The following ASTN1 variants were observed in gnomAD, a reference collection of about 807,000 sequenced individuals.
ASTN1 encodes astrotactin 1.
Under a neutral mutation model 140.7 loss-of-function variants are expected in ASTN1, and 41 were observed. The observed-to-expected ratio is 0.29, with a 90% CI of 0.23 to 0.38. ASTN1 has a LOEUF of 0.38. Among genes scored for constraint, ASTN1 ranks in the 10% least tolerant of loss-of-function variants. ASTN1 has a pLI of 1.00. For missense variants in ASTN1, 1,479 were observed against 1,678.8 expected, an observed-to-expected ratio of 0.88 and a Z score of 2.08; for synonymous variants, 640 against 652.2, an observed-to-expected ratio of 0.98 and a Z score of 0.29.
chr1:177,030,480 A>G (rs1676371577), intron 4 of ASTN1, among the ~76,000 whole-genome samples: 1 of 152,182 alleles, frequency 6.6e-6, no homozygotes, highest in Non-Finnish European at 1.5e-5. Context: ...TAGGTAGTTA[A>G]CCAATTCCCT....
intron 16 of ASTN1, among the ~76,000 whole-genome samples, chr1:176,902,069 A>G (rs920791784): frequency 6.6e-6 from 1 of 152,200 alleles, no homozygotes; most frequent in Non-Finnish European, 1.5e-5. Context: ...TAGGTACTGT[A>G]AGGTCCACTG....
intron 2 of ASTN1, among the ~76,000 whole-genome samples, chr1:177,042,208 T>C (rs1206804114): frequency 2.0e-5 from 3 of 152,044 alleles, no homozygotes; most frequent in South Asian, 4.2e-4. Context: ...TCACATGGAG[T>C]GTGGCCTTGA....
At chr1:177,088,074 C>T (rs781742380) in intron 1 of ASTN1, among the ~76,000 whole-genome samples, 6 of 152,234 alleles carry the variant, frequency 3.9e-5, no homozygotes, top group East Asian at 1.9e-4. Context: ...CCTTCAACTC[C>T]GGTGATAGTG....
At chr1:177,133,129 TCTAA>T (rs1219380331) in intron 1 of ASTN1, among the ~76,000 whole-genome samples, 3 of 152,230 alleles carry the variant, frequency 2.0e-5, no homozygotes, top group Non-Finnish European at 4.4e-5. Context: ...ACCTTAGTTA[TCTAA>T]CTAAGATATC....
chr1:177,054,494 C>G (rs1378874564), intron 2 of ASTN1, among the ~76,000 whole-genome samples: 1 of 152,182 alleles, frequency 6.6e-6, no homozygotes, highest in African/African-American at 2.4e-5. Context: ...ACGGCTCTGA[C>G]CTGTGCGTGG....
At chr1:177,122,930 A>G (rs888959596) in intron 1 of ASTN1, among the ~76,000 whole-genome samples, 18 of 152,082 alleles carry the variant, frequency 1.2e-4, no homozygotes, top group African/African-American at 4.3e-4. Flanking sequence ...GGAGGCCTCT[A>G]CCTTCTTCTC....
At chr1:176,970,632 TAAAA>T (rs934773263) in intron 8 of ASTN1, among the ~76,000 whole-genome samples, 18 of 151,362 alleles carry the variant, frequency 1.2e-4, no homozygotes, top group Middle Eastern at 6.3e-3. Flanking sequence ...GATAGATAGA[TAAAA>T]GAAAGCAAGA....
chr1:176,888,093 A>G lies in ASTN1; in HGVS notation c.3052T>C (p.Cys1018Arg). ...TAFGADGLPTCAPLPQPVLRL... is the reference protein window; with the variant it reads ...TAFGADGLPTRAPLPQPVLRL... ...TACACAGGCTGTGGGAGAGGCGCACAGGTGGGGAGTCCATCAGCTCCAAAA... is the reference window on the plus strand; with the variant it reads ...TACACAGGCTGTGGGAGAGGCGCACGGGTGGGGAGTCCATCAGCTCCAAAA... Residue 1018 changes from cysteine to arginine, a missense_variant, in exon 18 of 23, where the codon TGT (cysteine) becomes CGT (arginine). Physicochemically the swap from Cys to Arg is radical, Grantham distance 180. Coordinates refer to ENST00000361833, the MANE Select transcript of ASTN1 (RefSeq NM_004319.3). 6.2e-7 allele frequency: 1 copy of G among 1,614,168 alleles called. No homozygotes were observed. The highest frequency in any genetic ancestry group is 1.3e-5 in the African/African-American group (1 of 75,058).
chr1:177,128,918 A>G lies in ASTN1; in HGVS notation c.283+35476T>C, dbSNP rs117582308. On this transcript the variant is annotated intron_variant, in intron 1 of 22. Coordinates refer to ENST00000361833, the MANE Select transcript of ASTN1 (RefSeq NM_004319.3). Reference sequence around the variant, plus strand: ...ATCATCCATGACATAGGAATATGATAAACAGTCAAAAAAGAAGTATGAATG... The same window carrying G: ...ATCATCCATGACATAGGAATATGATGAACAGTCAAAAAAGAAGTATGAATG... Among the ~76,000 whole-genome samples the G allele has an allele frequency of 8.9e-4, 136 of 152,354 alleles. 3 individuals carry two copies. In the East Asian group the frequency reaches 0.024, roughly 27 times the overall value.
intron 20 of ASTN1, among the ~76,000 whole-genome samples, chr1:176,877,483 T>C (rs1313827055): frequency 6.6e-6 from 1 of 152,160 alleles, no homozygotes; most frequent in Non-Finnish European, 1.5e-5. Context: ...GCAGTCTCCA[T>C]GACAATGTGA....
intron 16 of ASTN1, among the ~76,000 whole-genome samples, chr1:176,916,477 G>C (rs1410818670): frequency 6.6e-6 from 1 of 152,096 alleles, no homozygotes. Flanking sequence ...TTCTTACTTT[G>C]CCATCATTGA....
rs1553216755 is a variant in ASTN1, at chr1:176,861,999, C to T, written c.*2285G>A. 8 of 985,398 alleles carry T rather than the reference C, an allele frequency of 8.1e-6. No homozygotes were observed. The highest frequency in any genetic ancestry group is 9.6e-6 in the Non-Finnish European group (8 of 830,032). 61.0% of individuals were successfully genotyped at this position (985,398 alleles called of 1,614,324 possible). A position where few individuals can be genotyped will look rare whatever the true frequency, so the allele number is the denominator to read the frequency against. On this transcript the variant is annotated 3_prime_UTR_variant, in exon 23 of 23. Coordinates refer to ENST00000361833, the MANE Select transcript of ASTN1 (RefSeq NM_004319.3). ...GCAGGAAGGCATCGGCAGCCTCACC[C>T]TCCTTTCACTCAAGCTTAAAACACC... is the stretch of plus-strand genomic sequence containing the variant.
chr1:177,035,700 G>T (rs1676681370), intron 2 of ASTN1, among the ~76,000 whole-genome samples: 1 of 152,092 alleles, frequency 6.6e-6, no homozygotes, highest in Admixed American at 6.5e-5. Flanking sequence ...CTATCTCTAG[G>T]TTCAGCCCCT....
chr1:177,123,697 A>G (rs753625537), intron 1 of ASTN1, among the ~76,000 whole-genome samples: 8 of 152,128 alleles, frequency 5.3e-5, no homozygotes, highest in Non-Finnish European at 7.3e-5. Context: ...GGTTCTCGAT[A>G]GCAGACTTTC....
intron 8 of ASTN1, among the ~76,000 whole-genome samples, chr1:176,996,796 A>G (rs935551189): frequency 2.0e-5 from 3 of 152,152 alleles, no homozygotes; most frequent in African/African-American, 7.2e-5. Flanking sequence ...AGGGGCTCCC[A>G]TGGAAAATCT....
intron 1 of ASTN1, among the ~76,000 whole-genome samples, chr1:177,064,894 G>T (rs1005626189): frequency 7.9e-5 from 12 of 152,302 alleles, no homozygotes; most frequent in African/African-American, 2.6e-4. Flanking sequence ...ACCACACAGG[G>T]CACAGTAAGT....
chr1:177,061,912 G>C (rs564674754), intron 1 of ASTN1, among the ~76,000 whole-genome samples: 2 of 152,284 alleles, frequency 1.3e-5, no homozygotes, highest in South Asian at 4.2e-4. Flanking sequence ...TATACATGAA[G>C]AAGACAGTGA....
chr1:177,032,899 C>A (rs758004154), intron 2 of ASTN1, 50 bp from the exon 3 acceptor site: 1 of 1,512,212 alleles, frequency 6.6e-7, no homozygotes, highest in Non-Finnish European at 8.9e-7. Flanking sequence ...TAGGCTCTTC[C>A]CACAAAGAGT....
chr1:176,864,767 G>C (rs1668076027), intron 22 of ASTN1, among the ~76,000 whole-genome samples: 1 of 152,128 alleles, frequency 6.6e-6, no homozygotes, highest in South Asian at 2.1e-4. Flanking sequence ...AAAAGAAACA[G>C]ACAAAATGCA....
Sources: gnomAD v4.1 joint callset for allele counts (sites outside exome capture counted in the v4.1 genomes callset) on GRCh38, gnomAD v4.1.1 for gene constraint, MANE v1.5 for transcripts, NCBI Gene and HGNC (gene_info 2026-07-23, HGNC 2026-07-21) for gene names.